The following AGPAT5 variants were observed in gnomAD, a reference collection of about 807,000 sequenced individuals.
AGPAT5 encodes the protein 1-acylglycerol-3-phosphate O-acyltransferase 5.
A neutral mutation model predicts 45.6 loss-of-function variants in AGPAT5; 46 were observed. The observed-to-expected ratio is 1.01, with a 90% confidence interval of 0.80 to 1.29. The LOEUF is 1.29. Ranked by LOEUF, AGPAT5 falls within the 50% of genes most tolerant of loss-of-function variation. The pLI, the probability that AGPAT5 is intolerant of heterozygous loss-of-function variation, is 0.00. For synonymous variants in AGPAT5, 272 were observed against 167.0 expected (o/e 1.63, Z -4.85); for missense variants, 673 against 450.7 (o/e 1.49, Z -4.47).
intron 4 of AGPAT5, among the ~76,000 whole-genome samples, chr8:6,741,028 T>C (rs907242729): frequency 2.0e-5 from 3 of 152,170 alleles, no homozygotes; most frequent in Non-Finnish European, 4.4e-5. Flanking sequence ...CGTAAAAACT[T>C]AGACTAATTG....
At chr8:6,750,899 A>G (rs1801635683) in intron 6 of AGPAT5, among the ~76,000 whole-genome samples, 2 of 152,256 alleles carry the variant, frequency 1.3e-5, no homozygotes, top group African/African-American at 4.8e-5. Context: ...AAATGCATTC[A>G]CATTTTAGAT....
At chr8:6,711,991 C>G (rs1241540189) in intron 1 of AGPAT5, among the ~76,000 whole-genome samples, 1 of 152,194 alleles carries the variant, frequency 6.6e-6, no homozygotes, top group East Asian at 1.9e-4. Context: ...TTCACAGGTT[C>G]CAGGGCTTAG....
chr8:6,741,422 C>A (rs980149644), intron 4 of AGPAT5, among the ~76,000 whole-genome samples: 1 of 152,128 alleles, frequency 6.6e-6, no homozygotes, highest in Non-Finnish European at 1.5e-5. Context: ...TTAGATTCTT[C>A]ATGGCTGACC....
rs945825759 is a variant in AGPAT5, at chr8:6,747,840, C to A, written c.745+12C>A. On this transcript the variant is annotated intron_variant, in intron 6 of 7. Transcript: ENST00000285518. ...ACCGACCATGACGGGTAAGTGTGTTCACGCACCTGAAATGCCTGTACACGG... is the reference window on the plus strand; with the variant it reads ...ACCGACCATGACGGGTAAGTGTGTTAACGCACCTGAAATGCCTGTACACGG... The A allele has an allele frequency of 6.2e-7, 1 of 1,613,204 alleles. No individual in the cohort carries two copies. The highest frequency in any genetic ancestry group is 1.3e-5 in the African/African-American group (1 of 74,914).
At chr8:6,730,858 A>G in intron 3 of AGPAT5, 32 bp downstream of exon 3, 5 of 1,356,006 alleles carry the variant, frequency 3.7e-6, no homozygotes, top group Admixed American at 2.3e-5. Flanking sequence ...CTCTCTATAT[A>G]TGTAGTTTAT....
At chr8:6,713,460 G>A (rs1800221286) in intron 1 of AGPAT5, among the ~76,000 whole-genome samples, 1 of 152,148 alleles carries the variant, frequency 6.6e-6, no homozygotes, top group African/African-American at 2.4e-5. Flanking sequence ...CAGTTGACCT[G>A]CTTTAAGTGT....
At chr8:6,747,052 C>T (rs140004697) in intron 5 of AGPAT5, among the ~76,000 whole-genome samples, 1 of 152,208 alleles carries the variant, frequency 6.6e-6, no homozygotes, top group Non-Finnish European at 1.5e-5. Context: ...TCACCTGCAG[C>T]CTTCATATGC....
intron 5 of AGPAT5, chr8:6,745,741 C>T (rs1364080943): frequency 1.3e-5 from 2 of 150,776 alleles, no homozygotes; most frequent in Admixed American, 6.6e-5. Flanking sequence ...TGGATGTTTC[C>T]GGAGTCTGTA....
chr8:6,751,712 AT>A (rs997136089), intron 6 of AGPAT5, among the ~76,000 whole-genome samples: 36 of 146,550 alleles, frequency 2.5e-4, no homozygotes, highest in Middle Eastern at 6.8e-3. Context: ...ATTACTATTG[AT>A]TTTTTTTTAA....
At chr8:6,728,191 T>C (rs1800750494) in intron 2 of AGPAT5, among the ~76,000 whole-genome samples, 1 of 152,214 alleles carries the variant, frequency 6.6e-6, no homozygotes, top group African/African-American at 2.4e-5. Flanking sequence ...GAACTATGAC[T>C]CTGCTTTGGC....
At chr8:6,722,815 T>A (rs1359514900) in intron 1 of AGPAT5, among the ~76,000 whole-genome samples, 1 of 151,450 alleles carries the variant, frequency 6.6e-6, no homozygotes, top group Non-Finnish European at 1.5e-5. Context: ...TCTGAATTAA[T>A]AAATGAAAAG....
intron 1 of AGPAT5, 131 bp downstream of exon 1, chr8:6,709,018 C>T (rs887377403): frequency 1.8e-5 from 15 of 852,632 alleles, no homozygotes; most frequent in Non-Finnish European, 2.7e-5. Flanking sequence ...GCACGTGCCG[C>T]CTCCCCGCCT....
intron 4 of AGPAT5, among the ~76,000 whole-genome samples, chr8:6,734,226 A>T (rs971795197): frequency 6.6e-6 from 1 of 150,524 alleles, no homozygotes; most frequent in Non-Finnish European, 1.5e-5. Flanking sequence ...GCTGTTCTTT[A>T]GTTCTTAGAT....
chr8:6,750,527 G>C (rs1801623924), intron 6 of AGPAT5, among the ~76,000 whole-genome samples: 1 of 152,150 alleles, frequency 6.6e-6, no homozygotes, highest in Non-Finnish European at 1.5e-5. Context: ...AATCAAGACT[G>C]AAAGACAAAC....
intron 2 of AGPAT5, among the ~76,000 whole-genome samples, chr8:6,728,236 T>A (rs1365582462): frequency 1.3e-5 from 2 of 152,240 alleles, no homozygotes; most frequent in Non-Finnish European, 2.9e-5. Context: ...ACAGCCAAAT[T>A]TATTGCTATC....
In AGPAT5 at chr8:6,759,157, T is replaced by C. The variant is rs919234101; in HGVS notation, c.*1769T>C. On this transcript the variant is annotated 3_prime_UTR_variant, in exon 8 of 8. Coordinates refer to ENST00000285518, the MANE Select transcript of AGPAT5 (RefSeq NM_018361.5). ...CTGAATTGTAATTTTCTCTTACCTG[T>C]AAAGTAAAATTTAGATCAATTCCAT... 1 of 152,228 alleles carries C rather than the reference T, an allele frequency of 6.6e-6. No homozygotes were observed. Among genetic ancestry groups the C allele is most frequent in the African/African-American group, 2.4e-5 (1 of 41,450 alleles). 9.4% of individuals were successfully genotyped at this position (152,228 alleles called of 1,614,324 possible). A position where few individuals can be genotyped will look rare whatever the true frequency, so the allele number is the denominator to read the frequency against.
chr8:6,745,941 C>T (rs1379877089), intron 5 of AGPAT5: 1 of 151,812 alleles, frequency 6.6e-6, no homozygotes, highest in Admixed American at 6.6e-5. Context: ...CATGTTCTCT[C>T]TCCCCCTTCT....
chr8:6,722,482 T>A (rs965179731), intron 1 of AGPAT5, among the ~76,000 whole-genome samples: 6 of 152,234 alleles, frequency 3.9e-5, no homozygotes, highest in Non-Finnish European at 7.3e-5. Flanking sequence ...ATATATTTTT[T>A]AACAAAGAAT....
At position 6,708,784 on chromosome 8, in the gene AGPAT5, C is replaced by T. The variant is rs368723509; in HGVS notation, c.116C>T (p.Ser39Phe). 3.0e-5 allele frequency: 48 copies of T among 1,609,404 alleles called. No individual in the cohort carries two copies. In the South Asian group the frequency reaches 4.9e-4, roughly 17 times the overall value. ...VLAWGVWRLL[S>F]AFLPARFYQA... is the part of the protein sequence containing the mutation. ...GCCTGGGGGGTCTGGCGGCTGCTCTCCGCCTTCCTGCCCGCCCGCTTCTAC... is the reference window on the plus strand; with the variant it reads ...GCCTGGGGGGTCTGGCGGCTGCTCTTCGCCTTCCTGCCCGCCCGCTTCTAC... Residue 39 changes from serine (S) to phenylalanine (F), a missense_variant, in exon 1 of 8, where the codon TCC becomes TTC. By Grantham distance (155) the Ser-to-Phe change is radical. Coordinates refer to ENST00000285518, the MANE Select transcript of AGPAT5 (RefSeq NM_018361.5).
Sources: gnomAD v4.1 joint callset for allele counts (sites outside exome capture counted in the v4.1 genomes callset) on GRCh38, gnomAD v4.1.1 for gene constraint, MANE v1.5 for transcripts, NCBI Gene and HGNC (gene_info 2026-07-23, HGNC 2026-07-21) for gene names.